The following CELF1 variants were observed in gnomAD, a reference collection of about 807,000 sequenced individuals.
CELF1 encodes the protein CUGBP Elav-like family member 1.
Under a neutral mutation model 61.8 loss-of-function variants are expected in CELF1, and 10 were observed. The observed-to-expected ratio is 0.16, with a 90% CI of 0.10 to 0.27. The LOEUF (loss-of-function observed/expected upper bound fraction) is 0.27, where lower values mean the gene tolerates loss of function less well. CELF1 is among the 10% of genes least tolerant of loss of function. The pLI, the probability that CELF1 is intolerant of heterozygous loss-of-function variation, is 1.00. For synonymous variants in CELF1, 236 were observed against 225.1 expected, an observed-to-expected ratio of 1.05 and a Z score of -0.43; for missense variants, 380 against 639.1, an observed-to-expected ratio of 0.59 and a Z score of 4.37.
At chr11:47,517,131 C>T (rs988868934) in intron 1 of CELF1, among the ~76,000 whole-genome samples, 2 of 151,754 alleles carry the variant, frequency 1.3e-5, no homozygotes, top group African/African-American at 4.8e-5. Flanking sequence ...CCTGTAGTCC[C>T]AGTTACTTGG....
At chr11:47,485,407 G>A (rs1323652101) in intron 6 of CELF1, among the ~76,000 whole-genome samples, 2 of 152,198 alleles carry the variant, frequency 1.3e-5, no homozygotes, top group South Asian at 2.1e-4. Context: ...CTGGGCTTAC[G>A]CAATCCTCCG....
At chr11:47,481,309 T>C (rs1033159217) in intron 9 of CELF1, among the ~76,000 whole-genome samples, 3 of 151,814 alleles carry the variant, frequency 2.0e-5, no homozygotes, top group African/African-American at 7.3e-5. Flanking sequence ...TTTGTATTTT[T>C]AGTATAGACA....
intron 1 of CELF1, among the ~76,000 whole-genome samples, chr11:47,538,005 CT>C (rs2096673191): frequency 6.6e-6 from 1 of 151,736 alleles, no homozygotes; most frequent in Non-Finnish European, 1.5e-5. Flanking sequence ...CTGTAACCTC[CT>C]GGGCTCAAGG....
intron 6 of CELF1, 152 bp downstream of exon 6, chr11:47,486,598 C>T (rs968781985): frequency 1.1e-4 from 67 of 637,136 alleles, no homozygotes; most frequent in Non-Finnish European, 1.6e-4. Flanking sequence ...TTAGTAGAGA[C>T]GGGGTTTCAC....
At chr11:47,474,051 C>G (rs990813880) in intron 13 of CELF1, among the ~76,000 whole-genome samples, 2 of 152,170 alleles carry the variant, frequency 1.3e-5, no homozygotes, top group Non-Finnish European at 2.9e-5. Context: ...GGATTACAGG[C>G]AGGCGCCACC....
chr11:47,479,636 T>TA (rs538737605), intron 9 of CELF1, among the ~76,000 whole-genome samples: 15 of 152,106 alleles, frequency 9.9e-5, no homozygotes, highest in Non-Finnish European at 1.8e-4. Flanking sequence ...CCATGACAAA[T>TA]AAAGTAAGAG....
chr11:47,502,558 C>A (rs116526178), intron 1 of CELF1, among the ~76,000 whole-genome samples: 6,248 of 152,126 alleles, frequency 0.041, 423 homozygotes, highest in African/African-American at 0.14. Context: ...TTAGTCCGGA[C>A]ACGGTGGCTC....
At chr11:47,530,972 C>T (rs547796975) in intron 1 of CELF1, among the ~76,000 whole-genome samples, 4 of 151,490 alleles carry the variant, frequency 2.6e-5, no homozygotes, top group Admixed American at 2.6e-4. Flanking sequence ...AAAAGCCCGG[C>T]GTGGTAGCTC....
At chr11:47,474,338 C>T (rs937521641) in intron 13 of CELF1, among the ~76,000 whole-genome samples, 7 of 152,170 alleles carry the variant, frequency 4.6e-5, no homozygotes, top group African/African-American at 1.7e-4. Context: ...TCCTATGCCC[C>T]TGTTACTCTT....
intron 1 of CELF1, among the ~76,000 whole-genome samples, chr11:47,505,434 C>T (rs1447209903): frequency 6.6e-6 from 1 of 150,632 alleles, no homozygotes; most frequent in Non-Finnish European, 1.5e-5. Context: ...ATCGAGACCA[C>T]CCTGGTTAAC....
intron 1 of CELF1, among the ~76,000 whole-genome samples, chr11:47,505,830 G>C (rs2094443616): frequency 6.7e-6 from 1 of 149,448 alleles, no homozygotes; most frequent in East Asian, 1.9e-4. Context: ...AGCTACTCAG[G>C]AGGCTGAGGC....
At chr11:47,519,407 G>C (rs1249668966) in intron 1 of CELF1, among the ~76,000 whole-genome samples, 4 of 151,946 alleles carry the variant, frequency 2.6e-5, no homozygotes, top group African/African-American at 9.7e-5. Flanking sequence ...CTTGAACAGG[G>C]AGGCACAGGT....
intron 2 of CELF1, among the ~76,000 whole-genome samples, chr11:47,561,442 C>CAAA (rs35506289): frequency 3.2e-3 from 229 of 71,440 alleles, no homozygotes; most frequent in South Asian, 5.3e-3. Context: ...GACTCCGTCT[C>CAAA]AAAAAAAAAA....
At chr11:47,541,765 AGAACGAAAGAAAGAACGAAAGAAAGAAC>A (rs1565904734) in intron 1 of CELF1, among the ~76,000 whole-genome samples, 6 of 13,298 alleles carry the variant, frequency 4.5e-4, no homozygotes, top group Middle Eastern at 0.029. Flanking sequence ...AACGAAAGAA[AGAACGAAAGAAAGAACGAAAGAAAGAAC>A]GAAAGAAAGA....
chr11:47,559,722 C>T (rs1036356271), intron 2 of CELF1, among the ~76,000 whole-genome samples: 2 of 152,166 alleles, frequency 1.3e-5, no homozygotes, highest in East Asian at 3.8e-4. Flanking sequence ...AAAGCAGAGG[C>T]CGGGCGCAGT....
At chr11:47,550,814 T>C (rs2097120598) in intron 1 of CELF1, among the ~76,000 whole-genome samples, 1 of 152,154 alleles carries the variant, frequency 6.6e-6, no homozygotes, top group African/African-American at 2.4e-5. Flanking sequence ...TTCACCATGT[T>C]ACTGAAGCTG....
At chr11:47,481,979 G>A (rs1263571014) in intron 9 of CELF1, among the ~76,000 whole-genome samples, 1 of 152,174 alleles carries the variant, frequency 6.6e-6, no homozygotes, top group Non-Finnish European at 1.5e-5. Context: ...AAGACAGGTG[G>A]ATCACCTGAG....
chr11:47,487,954 A>T (rs1294595952), intron 4 of CELF1, among the ~76,000 whole-genome samples: 1 of 152,056 alleles, frequency 6.6e-6, no homozygotes, highest in African/African-American at 2.4e-5. Flanking sequence ...ATTTTTTTTT[A>T]AATCATGCTG....
At chr11:47,511,364 A>AATATGAGGTAATCTCTTGGGAG (rs1181962991) in intron 1 of CELF1, among the ~76,000 whole-genome samples, 15 of 152,242 alleles carry the variant, frequency 9.9e-5, no homozygotes, top group Non-Finnish European at 2.1e-4. Context: ...CCTCTTGGGA[A>AATATGAGGTAATCTCTTGGGAG]ATATGAGAAC....
Sources: allele counts gnomAD v4.1 joint callset (sites outside exome capture counted in the v4.1 genomes callset), GRCh38; gene constraint gnomAD v4.1.1; transcripts MANE v1.5; gene names NCBI Gene and HGNC (gene_info 2026-07-23, HGNC 2026-07-21).